HAUS2: variants seen among roughly 807,000 people sequenced by gnomAD.
The protein encoded by HAUS2 is HAUS augmin-like complex subunit 2.
HAUS2 carries 20 observed loss-of-function variants against 21.6 expected under a neutral mutation model. That is an observed-to-expected ratio of 0.93 (90% CI 0.65 to 1.35). HAUS2 has a LOEUF of 1.35. Among genes scored for constraint, HAUS2 ranks in the 40% most tolerant of loss-of-function variants. The pLI is 0.00. For missense variants in HAUS2, 297 were observed against 280.7 expected (o/e 1.06, Z -0.42); for synonymous variants, 113 against 95.6 (o/e 1.18, Z -1.06).
chr15:42,562,207 C>T (rs931102495), intron 4 of HAUS2, among the ~76,000 whole-genome samples: 2 of 152,132 alleles, frequency 1.3e-5, no homozygotes, highest in African/African-American at 4.8e-5. Flanking sequence ...CTTTCTCCGC[C>T]AGTGCCTCAC....
chr15:42,554,495 ATT>A (rs547828431), intron 1 of HAUS2, among the ~76,000 whole-genome samples: 9 of 138,138 alleles, frequency 6.5e-5, no homozygotes, highest in Admixed American at 7.3e-5. Flanking sequence ...TTGTAGGTGT[ATT>A]TTTTTTTTTT....
At chr15:42,560,647 C>A in intron 3 of HAUS2, 1 of 469,756 alleles carries the variant, frequency 2.1e-6, no homozygotes, top group Non-Finnish European at 3.8e-6. Context: ...AAGAGTGTGT[C>A]ACTCTGTAAC....
intron 3 of HAUS2, among the ~76,000 whole-genome samples, chr15:42,560,620 CTTT>C (rs35827490): frequency 1.4e-5 from 2 of 140,086 alleles, no homozygotes; most frequent in Non-Finnish European, 1.6e-5. Flanking sequence ...TGTAGGATGA[CTTT>C]TTTTTTTTTT....
In HAUS2 at chr15:42,548,872, C is replaced by T. The variant is rs560295056; in HGVS notation, c.-1C>T. The T allele has an allele frequency of 4.7e-4, 723 of 1,548,624 alleles. 5 individuals carry two copies. Among genetic ancestry groups the T allele is most frequent in the South Asian group, 4.0e-3 (339 of 83,970 alleles). On this transcript the variant is annotated 5_prime_UTR_variant, in exon 1 of 6. Transcript: ENST00000260372. ...GCCTTCGCGGAAGGTGCGTCCGAGCCATGGCCGCTGCCAACCCGTGGGACC... is the reference window on the plus strand; with the variant it reads ...GCCTTCGCGGAAGGTGCGTCCGAGCTATGGCCGCTGCCAACCCGTGGGACC...
chr15:42,549,109 A>C, intron 1 of HAUS2, 144 bp downstream of exon 1: 1 of 575,520 alleles, frequency 1.7e-6, no homozygotes, highest in Non-Finnish European at 3.1e-6. Context: ...TCCAGGCAAC[A>C]GCCGCGAACG....
intron 5 of HAUS2, among the ~76,000 whole-genome samples, chr15:42,564,371 T>C (rs184099403): frequency 3.9e-5 from 6 of 152,304 alleles, no homozygotes; most frequent in Non-Finnish European, 7.4e-5. Flanking sequence ...TTTTAAATTA[T>C]TTTATTCCAA....
chr15:42,549,422 T>G (rs1056717829), intron 1 of HAUS2, among the ~76,000 whole-genome samples: 2 of 150,230 alleles, frequency 1.3e-5, no homozygotes, highest in Non-Finnish European at 2.9e-5. Context: ...AGCTCTTTTT[T>G]GACATTTTTA....
intron 2 of HAUS2, among the ~76,000 whole-genome samples, chr15:42,559,029 G>A (rs1389693163): frequency 6.6e-6 from 1 of 152,080 alleles, no homozygotes; most frequent in African/African-American, 2.4e-5. Flanking sequence ...CACATAACTA[G>A]CTAGCTACAT....
At position 42,559,414 on chromosome 15, in the gene HAUS2, T is replaced by C. The variant is rs1319427871; in HGVS notation, c.256+6T>C. Reference sequence around the variant, plus strand: ...TGTTCATCCTTTCTTTTTGGGTAAGTGGTTTGGTTAAGTGGATAATCACTG... The same window carrying C: ...TGTTCATCCTTTCTTTTTGGGTAAGCGGTTTGGTTAAGTGGATAATCACTG... On this transcript the variant is annotated splice_donor_region_variant and intron_variant, in intron 3 of 5. Transcript: ENST00000260372. 2.6e-6 allele frequency: 4 copies of C among 1,563,748 alleles called. No individual in the cohort carries two copies. In the East Asian group the frequency reaches 6.7e-5, roughly 26 times the overall value.
intron 5 of HAUS2, among the ~76,000 whole-genome samples, chr15:42,565,068 C>T (rs1489805119): frequency 1.3e-5 from 2 of 152,152 alleles, no homozygotes; most frequent in African/African-American, 4.8e-5. Flanking sequence ...AACTCCTGAC[C>T]TCAGGTGATC....
In HAUS2 at chr15:42,559,536, A is replaced by C. The variant is rs2057827411; in HGVS notation, c.256+128A>C. 12 of 636,820 alleles carry C rather than the reference A, an allele frequency of 1.9e-5. 1 individual carries two copies. In the South Asian group the frequency reaches 2.2e-4, roughly 12 times the overall value. 39.4% of individuals were successfully genotyped at this position (636,820 alleles called of 1,614,324 possible). On this transcript the variant is annotated intron_variant, in intron 3 of 5. Coordinates refer to ENST00000260372, the MANE Select transcript of HAUS2 (RefSeq NM_018097.3). ...CCAGGTGTTGTCCCAAAGCTAATGA[A>C]ATCTTGTATTTCTATGCTGAAATAG...
intron 5 of HAUS2, among the ~76,000 whole-genome samples, chr15:42,564,981 G>A (rs1468465535): frequency 6.6e-6 from 1 of 152,080 alleles, no homozygotes; most frequent in Non-Finnish European, 1.5e-5. Flanking sequence ...GATTACAGGT[G>A]CCCACCACCA....
chr15:42,555,655 C>G (rs1390015702), intron 1 of HAUS2, among the ~76,000 whole-genome samples: 1 of 152,054 alleles, frequency 6.6e-6, no homozygotes, highest in East Asian at 1.9e-4. Context: ...TCTAGAATAC[C>G]TTTTTCTTCC....
intron 3 of HAUS2, among the ~76,000 whole-genome samples, chr15:42,560,251 G>A (rs2057834927): frequency 6.6e-6 from 1 of 152,152 alleles, no homozygotes. Flanking sequence ...TTGTATTAAT[G>A]TTATTTTTTG....
intron 1 of HAUS2, among the ~76,000 whole-genome samples, chr15:42,556,803 T>C (rs2141595831): frequency 1.4e-5 from 2 of 143,104 alleles, no homozygotes; most frequent in South Asian, 4.4e-4. Context: ...TCAGCAGTTC[T>C]AGACCAGCCA....
intron 1 of HAUS2, among the ~76,000 whole-genome samples, chr15:42,551,249 A>C (rs1485921369): frequency 6.6e-6 from 1 of 151,516 alleles, no homozygotes; most frequent in East Asian, 2.0e-4. Context: ...CGGCCTCCCA[A>C]AGTACTGGGA....
Sources: allele counts gnomAD v4.1 joint callset (sites outside exome capture counted in the v4.1 genomes callset), GRCh38; gene constraint gnomAD v4.1.1; transcripts MANE v1.5; gene names NCBI Gene and HGNC (gene_info 2026-07-23, HGNC 2026-07-21).